ARHGAP22: variants seen among roughly 807,000 people sequenced by gnomAD.
ARHGAP22 encodes the protein Rho GTPase activating protein 22.
In ARHGAP22, 48 loss-of-function variants were observed where a neutral mutation model predicts 59.1. The ratio of observed to expected loss-of-function variants is 0.81; its 90% confidence interval spans 0.64 to 1.03. The LOEUF is 1.03. ARHGAP22 is among the 50% of genes least tolerant of loss of function. The pLI is 0.00. For missense variants in ARHGAP22, 1,015 were observed against 958.7 expected, an observed-to-expected ratio of 1.06 and a Z score of -0.78; for synonymous variants, 445 against 416.4, an observed-to-expected ratio of 1.07 and a Z score of -0.84.
the ARHGAP22 span, among the ~76,000 whole-genome samples, chr10:48,432,271 T>C: frequency 4.6e-5 from 7 of 152,234 alleles, no homozygotes; most frequent in African/African-American, 1.7e-4. Flanking sequence ...TAGCATCTTG[T>C]ATATGGGTAA....
chr10:48,453,686 T>C (rs2046214353), intron 7 of ARHGAP22, among the ~76,000 whole-genome samples: 1 of 152,206 alleles, frequency 6.6e-6, no homozygotes, highest in South Asian at 2.1e-4. Flanking sequence ...CAAATTGTAG[T>C]GGGCACAAAT....
At chr10:48,560,660 G>T (rs2057629308) in intron 2 of ARHGAP22, among the ~76,000 whole-genome samples, 1 of 152,030 alleles carries the variant, frequency 6.6e-6, no homozygotes, top group African/African-American at 2.4e-5. Context: ...CTTTTCACAG[G>T]TTTAAAGAAG....
intron 1 of ARHGAP22, among the ~76,000 whole-genome samples, chr10:48,599,027 G>A (rs1244045219): frequency 6.6e-6 from 1 of 152,160 alleles, no homozygotes; most frequent in African/African-American, 2.4e-5. Flanking sequence ...CCGAAAAATG[G>A]GGCAATAGTG....
At chr10:48,461,507 A>G (rs2047131537) in intron 4 of ARHGAP22, among the ~76,000 whole-genome samples, 1 of 152,218 alleles carries the variant, frequency 6.6e-6, no homozygotes, top group Admixed American at 6.5e-5. Context: ...GATCTAAAAC[A>G]ATACATGACA....
intron 3 of ARHGAP22, among the ~76,000 whole-genome samples, chr10:48,480,214 A>G (rs747615239): frequency 1.1e-4 from 16 of 152,174 alleles, no homozygotes; most frequent in Non-Finnish European, 1.5e-4. Flanking sequence ...TGAAGACAAG[A>G]GTCTCCGTAT....
intron 1 of ARHGAP22, among the ~76,000 whole-genome samples, chr10:48,623,781 G>C (rs2061358782): frequency 6.6e-6 from 1 of 152,198 alleles, no homozygotes; most frequent in African/African-American, 2.4e-5. Context: ...GAATGTTTTG[G>C]GGAGCACATC....
chr10:48,453,199 T>C (rs1260157738), intron 8 of ARHGAP22, 105 bp downstream of exon 8: 9 of 1,531,354 alleles, frequency 5.9e-6, no homozygotes, highest in Non-Finnish European at 8.0e-6. Flanking sequence ...CCACCCCTCC[T>C]GCTGGCCTGG....
chr10:48,655,272 C>T (rs541083431), upstream of ARHGAP22, among the ~76,000 whole-genome samples: 1,216 of 87,140 alleles, frequency 0.014, 67 homozygotes, highest in African/African-American at 0.054. Context: ...GGGGGGGGGG[C>T]GGGGGACGCT....
At chr10:48,647,248 G>C (rs1226137142) in intron 1 of ARHGAP22, among the ~76,000 whole-genome samples, 1 of 151,910 alleles carries the variant, frequency 6.6e-6, no homozygotes, top group Non-Finnish European at 1.5e-5. Context: ...ACAATAACTA[G>C]CTGTGCGTGG....
At chr10:48,457,912 A>G (rs2046716143) in intron 5 of ARHGAP22, among the ~76,000 whole-genome samples, 2 of 76,716 alleles carry the variant, frequency 2.6e-5, no homozygotes, top group Non-Finnish European at 5.1e-5. Flanking sequence ...TGAGGAGGAG[A>G]CCCTCTGTTG....
intron 1 of ARHGAP22, among the ~76,000 whole-genome samples, chr10:48,620,267 G>GT (rs35815837): frequency 0.64 from 76,176 of 119,706 alleles, 19,430 homozygotes; most frequent in East Asian, 0.71. Context: ...ACTTGTACAT[G>GT]TTTTTTTTTT....
chr10:48,582,629 G>C (rs766220380), intron 2 of ARHGAP22: 1 of 377,684 alleles, frequency 2.6e-6, no homozygotes, highest in East Asian at 5.9e-5. Flanking sequence ...GTAATGAAAT[G>C]TGTGCATGTA....
chr10:48,549,538 A>C (rs1156839003), intron 3 of ARHGAP22, among the ~76,000 whole-genome samples: 2 of 152,118 alleles, frequency 1.3e-5, no homozygotes, highest in Non-Finnish European at 2.9e-5. Context: ...CCCTGTCCAC[A>C]TCAATTATCT....
chr10:48,453,280 C>G, intron 8 of ARHGAP22, 24 bp downstream of exon 8: 1 of 1,612,394 alleles, frequency 6.2e-7, no homozygotes, highest in South Asian at 1.1e-5. Context: ...GCACCCAGGG[C>G]CACCAGGTAC....
At chr10:48,463,844 G>T (rs10857575) in intron 4 of ARHGAP22, among the ~76,000 whole-genome samples, 26,220 of 152,134 alleles carry the variant, frequency 0.17, 2,908 homozygotes, top group East Asian at 0.61. Flanking sequence ...TGAAGGAGGG[G>T]ACCGAGCTCT....
chr10:48,572,234 A>G (rs750277345), intron 2 of ARHGAP22, among the ~76,000 whole-genome samples: 60 of 152,302 alleles, frequency 3.9e-4, no homozygotes, highest in Non-Finnish European at 6.6e-4. Context: ...AGAATAAACA[A>G]TGTTCTAACT....
intron 3 of ARHGAP22, among the ~76,000 whole-genome samples, 164 bp from the exon 4 acceptor site, chr10:48,479,928 T>C (rs4240514): frequency 0.93 from 141,881 of 152,240 alleles, 66,981 homozygotes; most frequent in East Asian, 1. Context: ...ACAACTCATA[T>C]CTCTTTCTTT....
chr10:48,494,427 C>A (rs1213770545), intron 3 of ARHGAP22, among the ~76,000 whole-genome samples: 1 of 152,164 alleles, frequency 6.6e-6, no homozygotes, highest in East Asian at 1.9e-4. Context: ...CCTCAGGCAG[C>A]CCTGGAGGGC....
At chr10:48,622,912 A>G (rs2061331825) in intron 1 of ARHGAP22, among the ~76,000 whole-genome samples, 1 of 152,216 alleles carries the variant, frequency 6.6e-6, no homozygotes, top group Non-Finnish European at 1.5e-5. Flanking sequence ...GGAGAGGGAA[A>G]CATGCAGGCA....
Sources: allele counts gnomAD v4.1 joint callset (sites outside exome capture counted in the v4.1 genomes callset), GRCh38; gene constraint gnomAD v4.1.1; transcripts MANE v1.5; gene names NCBI Gene and HGNC (gene_info 2026-07-23, HGNC 2026-07-21).